BCAM: variants seen among roughly 807,000 people sequenced by gnomAD.
The protein encoded by BCAM is basal cell adhesion molecule (Lutheran blood group).
Under a neutral mutation model 72.4 loss-of-function variants are expected in BCAM, and 61 were observed. The ratio of observed to expected loss-of-function variants is 0.84; its 90% confidence interval spans 0.69 to 1.04. The LOEUF is 1.04. Among genes scored for constraint, BCAM ranks in the 50% least tolerant of loss-of-function variants. The pLI, the probability that BCAM is intolerant of heterozygous loss-of-function variation, is 0.00. For missense variants in BCAM, 909 were observed against 895.0 expected (o/e 1.02, Z -0.20); for synonymous variants, 408 against 384.2 (o/e 1.06, Z -0.73).
rs781214428 is a variant in BCAM, at chr19:44,811,190, G to A, written c.83-35G>A. ...CCTGTCTGGAGGGCTCTTCCTGTTG[G>A]TGTGGTGGATGATAGCTCAGTTGCT... On this transcript the variant is annotated intron_variant, in intron 1 of 14. Transcript: ENST00000270233. 6 of 1,610,832 alleles carry A rather than the reference G, an allele frequency of 3.7e-6. 1 individual carries two copies. Among genetic ancestry groups the A allele is most frequent in the Admixed American group, 1.7e-5 (1 of 59,966 alleles).
chr19:44,812,032 G>A lies in BCAM; in HGVS notation c.205-131G>A. 1.2e-6 allele frequency: 1 copy of A among 859,196 alleles called. No homozygotes were observed. Among genetic ancestry groups the A allele is most frequent in the Non-Finnish European group, 1.8e-6 (1 of 555,936 alleles). The allele number at this position is 859,196 out of a possible 1,614,324, so 53.2% of individuals were successfully genotyped here. On this transcript the variant is annotated intron_variant, in intron 2 of 14. Transcript: ENST00000270233. This position sits in a 1 kb window ranked among gnomAD's most constrained non-coding sequence, Gnocchi z 5.3. ...GGGCAGGAGAAGGTGGGGAGGGACA[G>A]AGGGACCAGGGAGACCCATAACAAG...
At chr19:44,817,509 G>A (rs1319302386) in intron 8 of BCAM, among the ~76,000 whole-genome samples, 1 of 151,904 alleles carries the variant, frequency 6.6e-6, no homozygotes, top group Non-Finnish European at 1.5e-5. Context: ...AGGGTTTTAT[G>A]CAGAGGGGAG....
chr19:44,813,043 C>G lies in BCAM; in HGVS notation c.505-207C>G. 1 of 590,548 alleles carries G rather than the reference C, an allele frequency of 1.7e-6. No homozygotes were observed. The highest frequency in any genetic ancestry group is 3.0e-6 in the Non-Finnish European group (1 of 338,242). The allele number at this position is 590,548 out of a possible 1,614,324, so 36.6% of individuals were successfully genotyped here. On this transcript the variant is annotated intron_variant, in intron 4 of 14. Transcript: ENST00000270233. This position sits in a 1 kb window ranked among gnomAD's most constrained non-coding sequence, Gnocchi z 4.2. ...CCTAGGAAGGAGAGAGCTGGGGGAC[C>G]CAGAATCCTTGGTCCCTGGAGGATG...
rs1255335010 is a variant in BCAM at position 44,813,317 on chromosome 19, G to A, written c.572G>A (p.Arg191His). 5.0e-6 allele frequency: 8 copies of A among 1,613,918 alleles called. No homozygotes were observed. The highest frequency in any genetic ancestry group is 1.1e-5 in the South Asian group (1 of 91,086). Reference sequence around the variant, plus strand: ...ATCACGTGGTATCGCAACGGGCAGCGCCTGGAGGTGCCCGTAGAGATGAAC... The same window carrying A: ...ATCACGTGGTATCGCAACGGGCAGCACCTGGAGGTGCCCGTAGAGATGAAC... Reference protein sequence around the residue: ...PKITWYRNGQRLEVPVEMNPE... With the variant: ...PKITWYRNGQHLEVPVEMNPE... The change falls in exon 5 of 15, where the codon CGC becomes CAC. Residue 191 changes from arginine (R) to histidine (H), a missense_variant. Coordinates refer to ENST00000270233, the MANE Select transcript of BCAM (RefSeq NM_005581.5). This position sits in a 1 kb window ranked among gnomAD's most constrained non-coding sequence, Gnocchi z 4.2.
At position 44,812,408 on chromosome 19, in the gene BCAM, A is replaced by G. The variant is rs781740826; in HGVS notation, c.433+17A>G. ...ACGTGTTTGGTAAGTGTCCTCGGGCATCCCCCGAAGGGAGGCAGGCAGGGA... is the reference window on the plus strand; with the variant it reads ...ACGTGTTTGGTAAGTGTCCTCGGGCGTCCCCCGAAGGGAGGCAGGCAGGGA... On this transcript the variant is annotated intron_variant, in intron 3 of 14. Transcript: ENST00000270233. This position sits in a 1 kb window ranked among gnomAD's most constrained non-coding sequence, Gnocchi z 5.3. The G allele has an allele frequency of 4.3e-6, 7 of 1,614,080 alleles. No individual in the cohort carries two copies. Among genetic ancestry groups the G allele is most frequent in the Non-Finnish European group, 5.9e-6 (7 of 1,179,952 alleles).
At position 44,814,911 on chromosome 19, in the gene BCAM, T is replaced by G. The variant is rs796240287; in HGVS notation, c.1078+151T>G. The G allele has an allele frequency of 3.6e-3, 2,942 of 827,326 alleles. 56 individuals are homozygous for G. The African/African-American group carries it at 0.044, about 12-fold the overall frequency. The allele number at this position is 827,326 out of a possible 1,614,324, so 51.2% of individuals were successfully genotyped here. On this transcript the variant is annotated intron_variant, in intron 8 of 14. Coordinates refer to ENST00000270233, the MANE Select transcript of BCAM (RefSeq NM_005581.5). This position sits in a 1 kb window ranked among gnomAD's most constrained non-coding sequence, Gnocchi z 4.6. ...TTTCTTGGGGGTTTTTTTGGTTGTTTTTTTTTTTTTTTTTTTCCCAGAGAC... is the reference window on the plus strand; with the variant it reads ...TTTCTTGGGGGTTTTTTTGGTTGTTGTTTTTTTTTTTTTTTTCCCAGAGAC...
At chr19:44,820,323 C>G in intron 13 of BCAM, 2 of 1,050,336 alleles carry the variant, frequency 1.9e-6, no homozygotes, top group Non-Finnish European at 2.3e-6. Context: ...CCCATGTCCC[C>G]ATCCCCAATC....
chr19:44,813,771 G>C lies in BCAM; in HGVS notation c.784+151G>C. ...GTGCTAGTGCTGGCCACTGACCTCT[G>C]ACCTCAATTGGTCGCACAAGCCCCA... On this transcript the variant is annotated intron_variant, in intron 6 of 14. Coordinates refer to ENST00000270233, the MANE Select transcript of BCAM (RefSeq NM_005581.5). This position sits in a 1 kb window ranked among gnomAD's most constrained non-coding sequence, Gnocchi z 4.2. 8.8e-7 allele frequency: 1 copy of C among 1,139,846 alleles called. No homozygotes were observed. The highest frequency in any genetic ancestry group is 1.6e-5 in the African/African-American group (1 of 63,922). The allele number at this position is 1,139,846 out of a possible 1,614,324, so 70.6% of individuals were successfully genotyped here.
Position 44,812,173 on chromosome 19 carries a change from C to T in BCAM, c.215C>T (p.Ser72Leu), listed in dbSNP as rs777138066. 2.5e-6 allele frequency: 4 copies of T among 1,601,404 alleles called. No homozygotes were observed. The highest frequency in any genetic ancestry group is 1.3e-5 in the African/African-American group (1 of 74,292). ...YMLEWFLTDR[S>L]GARPRLASAE... ...GCCCCGCGCCCACAGACCGACCGCT[C>T]GGGAGCTCGCCCCCGCCTAGCCTCG... Residue 72 changes from serine (S) to leucine (L), a missense_variant, in exon 3 of 15, where the codon TCG becomes TTG. Ser to Leu is a moderately radical substitution (Grantham distance 145). Coordinates refer to ENST00000270233, the MANE Select transcript of BCAM (RefSeq NM_005581.5). This position sits in a 1 kb window ranked among gnomAD's most constrained non-coding sequence, Gnocchi z 5.3.
chr19:44,812,656 G>C lies in BCAM; in HGVS notation c.504+108G>C, dbSNP rs1968441358. On this transcript the variant is annotated intron_variant, in intron 4 of 14. Coordinates refer to ENST00000270233, the MANE Select transcript of BCAM (RefSeq NM_005581.5). The surrounding 1 kb of genome is among the most constrained non-coding windows in gnomAD (Gnocchi z 5.3). ...GGCTGGGGACCCCTGGGTAATAAAG[G>C]AGGAGGGGTAAGGCCAGGCGAGGTG... is the stretch of plus-strand genomic sequence containing the variant. The C allele has an allele frequency of 1.5e-6, 2 of 1,353,486 alleles. No homozygotes were observed. Among genetic ancestry groups the C allele is most frequent in the African/African-American group, 1.5e-5 (1 of 68,056 alleles). The allele number at this position is 1,353,486 out of a possible 1,614,324, so 83.8% of individuals were successfully genotyped here.
rs1012140404 is a variant in BCAM, at chr19:44,818,065, G to A, written c.1079-457G>A. Reference sequence around the variant, plus strand: ...CTAGCACTTTTGGGAGGTCAAGACAGGAGGATCACTTGAGGCCAGGAGTTT... The same window carrying A: ...CTAGCACTTTTGGGAGGTCAAGACAAGAGGATCACTTGAGGCCAGGAGTTT... On this transcript the variant is annotated intron_variant, in intron 8 of 14. Transcript: ENST00000270233. This position sits in a 1 kb window ranked among gnomAD's most constrained non-coding sequence, Gnocchi z 4.6. Among the ~76,000 whole-genome samples the A allele has an allele frequency of 5.9e-5, 9 of 152,176 alleles. No individual in the cohort carries two copies. The highest frequency in any genetic ancestry group is 2.2e-4 in the African/African-American group (9 of 41,444).
chr19:44,818,982 ATCT>A lies in BCAM; in HGVS notation c.1337-70_1337-68del. The A allele has an allele frequency of 6.2e-7, 1 of 1,600,380 alleles. No homozygotes were observed. On this transcript the variant is annotated intron_variant, in intron 10 of 14. Transcript: ENST00000270233. This position sits in a 1 kb window ranked among gnomAD's most constrained non-coding sequence, Gnocchi z 4.6. Reference sequence around the variant, plus strand: ...TCCTGAGTCCCTGGCTGGGGACTCCATCTTCTGCTCGATGCCTCTCTTCTCTCT... The same window carrying A: ...TCCTGAGTCCCTGGCTGGGGACTCCATCTGCTCGATGCCTCTCTTCTCTCT...
At position 44,812,832 on chromosome 19, in the gene BCAM, C is replaced by T; in HGVS notation, c.504+284C>T. The T allele has an allele frequency of 2.2e-6, 1 of 463,874 alleles. No homozygotes were observed. Among genetic ancestry groups the T allele is most frequent in the South Asian group, 2.5e-5 (1 of 39,260 alleles). 28.7% of individuals were successfully genotyped at this position (463,874 alleles called of 1,614,324 possible). ...GGGTGTGTTGGTGTGCAACTGTAAT[C>T]CCAGCTGCTCGGGAGGCTGAGACAG... On this transcript the variant is annotated intron_variant, in intron 4 of 14. Transcript: ENST00000270233. The surrounding 1 kb of genome is among the most constrained non-coding windows in gnomAD (Gnocchi z 5.3).
Position 44,814,038 on chromosome 19 carries a change from G to A in BCAM, c.785-114G>A, listed in dbSNP as rs1398908991. 4 of 1,336,290 alleles carry A rather than the reference G, an allele frequency of 3.0e-6. No homozygotes were observed. The highest frequency in any genetic ancestry group is 1.5e-5 in the African/African-American group (1 of 68,008). The allele number at this position is 1,336,290 out of a possible 1,614,324, so 82.8% of individuals were successfully genotyped here. ...ACCTGAGGCTTGAAACCTATGACCCGTAACCTTTGACCCGCCATAGCCCTC... is the reference window on the plus strand; with the variant it reads ...ACCTGAGGCTTGAAACCTATGACCCATAACCTTTGACCCGCCATAGCCCTC... On this transcript the variant is annotated intron_variant, in intron 6 of 14. Coordinates refer to ENST00000270233, the MANE Select transcript of BCAM (RefSeq NM_005581.5). The surrounding 1 kb of genome is among the most constrained non-coding windows in gnomAD (Gnocchi z 4.6).
chr19:44,813,698 A>G lies in BCAM; in HGVS notation c.784+78A>G. The stretch of plus-strand genomic sequence containing the variant: ...GCCTGACCCTCCACCCGGGGGCTTC[A>G]CACTCCCCTCTGACCCTCTGCCTCC... On this transcript the variant is annotated intron_variant, in intron 6 of 14. Coordinates refer to ENST00000270233, the MANE Select transcript of BCAM (RefSeq NM_005581.5). This position sits in a 1 kb window ranked among gnomAD's most constrained non-coding sequence, Gnocchi z 4.2. The G allele has an allele frequency of 6.5e-7, 1 of 1,531,006 alleles. No individual in the cohort carries two copies. Among genetic ancestry groups the G allele is most frequent in the Non-Finnish European group, 8.8e-7 (1 of 1,133,650 alleles). 94.8% of individuals were successfully genotyped at this position (1,531,006 alleles called of 1,614,324 possible). A position where few individuals can be genotyped will look rare whatever the true frequency, so the allele number is the denominator to read the frequency against.
chr19:44,811,556 A>G lies in BCAM; in HGVS notation c.204+210A>G, dbSNP rs146879180. 215 of 691,412 alleles carry G rather than the reference A, an allele frequency of 3.1e-4. No homozygotes were observed. The African/African-American group carries it at 3.4e-3, about 11-fold the overall frequency. The allele number at this position is 691,412 out of a possible 1,614,324, so 42.8% of individuals were successfully genotyped here. A position where few individuals can be genotyped will look rare whatever the true frequency, so the allele number is the denominator to read the frequency against. On this transcript the variant is annotated intron_variant, in intron 2 of 14. Coordinates refer to ENST00000270233, the MANE Select transcript of BCAM (RefSeq NM_005581.5). ...CTAGAATGACATTGACCTGCTCTGG[A>G]CTGCGGGCTCTTGAGAGAGAGAACA...
chr19:44,821,102 G>T lies in BCAM; in HGVS notation c.*181G>T. The T allele has an allele frequency of 6.4e-5, 28 of 439,964 alleles. No homozygotes were observed. Among genetic ancestry groups the T allele is most frequent in the East Asian group, 7.9e-5 (1 of 12,658 alleles). 27.3% of individuals were successfully genotyped at this position (439,964 alleles called of 1,614,324 possible). On this transcript the variant is annotated 3_prime_UTR_variant, in exon 15 of 15. Coordinates refer to ENST00000270233, the MANE Select transcript of BCAM (RefSeq NM_005581.5). ...ACAGTGGCTGCCTGCCTCCGGGAGG[G>T]AAGGAGAGGGAGGGTGGGTGGGTGG...
chr19:44,812,997 A>C lies in BCAM; in HGVS notation c.505-253A>C. 1 of 495,528 alleles carries C rather than the reference A, an allele frequency of 2.0e-6. No homozygotes were observed. 30.7% of individuals were successfully genotyped at this position (495,528 alleles called of 1,614,324 possible). A position where few individuals can be genotyped will look rare whatever the true frequency, so the allele number is the denominator to read the frequency against. Reference sequence around the variant, plus strand: ...AGAAAAGAAAAAAGAAAGGAAGGGCAGAGGGGGAAGACTCCTGTGTCCTAG... The same window carrying C: ...AGAAAAGAAAAAAGAAAGGAAGGGCCGAGGGGGAAGACTCCTGTGTCCTAG... On this transcript the variant is annotated intron_variant, in intron 4 of 14. Coordinates refer to ENST00000270233, the MANE Select transcript of BCAM (RefSeq NM_005581.5). This position sits in a 1 kb window ranked among gnomAD's most constrained non-coding sequence, Gnocchi z 5.3.
At position 44,814,084 on chromosome 19, in the gene BCAM, C is replaced by A; in HGVS notation, c.785-68C>A. ...CCCTCACCTGGGATGCAGGGCTGAC[C>A]TCTCGCCTGTCCTCTAGCCTTGACC... is the stretch of plus-strand genomic sequence containing the variant. On this transcript the variant is annotated intron_variant, in intron 6 of 14. Transcript: ENST00000270233. This position sits in a 1 kb window ranked among gnomAD's most constrained non-coding sequence, Gnocchi z 4.6. 1 of 1,506,520 alleles carries A rather than the reference C, an allele frequency of 6.6e-7. No homozygotes were observed. 93.3% of individuals were successfully genotyped at this position (1,506,520 alleles called of 1,614,324 possible).
Sources: allele counts gnomAD v4.1 joint callset (sites outside exome capture counted in the v4.1 genomes callset), GRCh38; gene constraint gnomAD v4.1.1; non-coding constraint Gnocchi (gnomAD v3.1); transcripts MANE v1.5; gene names NCBI Gene and HGNC (gene_info 2026-07-23, HGNC 2026-07-21).